Variants in SYT10 observed in about 807,000 individuals in gnomAD.
SYT10 encodes the protein synaptotagmin 10.
SYT10 carries 31 observed loss-of-function variants against 51.1 expected under a neutral mutation model. The observed-to-expected ratio is 0.61, with a 90% CI of 0.46 to 0.82. SYT10 has a LOEUF of 0.82. SYT10 is among the 40% of genes least tolerant of loss of function. SYT10 has a pLI of 0.00. For missense variants in SYT10, 603 were observed against 634.0 expected (o/e 0.95, Z 0.53); for synonymous variants, 233 against 225.9 (o/e 1.03, Z -0.28).
intron 3 of SYT10, among the ~76,000 whole-genome samples, chr12:33,400,053 G>A (rs1866289377): frequency 6.6e-6 from 1 of 152,172 alleles, no homozygotes; most frequent in Non-Finnish European, 1.5e-5. Flanking sequence ...TGGTAAGACA[G>A]ACAGCCCCTG....
intron 1 of SYT10, among the ~76,000 whole-genome samples, chr12:33,436,258 G>C (rs1318072720): frequency 1.3e-5 from 2 of 152,118 alleles, no homozygotes; most frequent in African/African-American, 4.8e-5. Context: ...GGTCCAATAT[G>C]TTGCTTTGTA....
intron 2 of SYT10, among the ~76,000 whole-genome samples, chr12:33,424,557 G>A (rs1168470371): frequency 1.3e-5 from 2 of 151,962 alleles, no homozygotes; most frequent in East Asian, 1.9e-4. Context: ...TTCCGGGATG[G>A]TAGTGATAAT....
intron 2 of SYT10, among the ~76,000 whole-genome samples, chr12:33,422,082 A>C (rs565199288): frequency 3.4e-5 from 5 of 148,068 alleles, no homozygotes; most frequent in African/African-American, 1.3e-4. Context: ...ATCAAAACTT[A>C]AAGTATTAAA....
intron 3 of SYT10, among the ~76,000 whole-genome samples, chr12:33,391,005 C>T (rs1375055580): frequency 6.6e-6 from 1 of 152,160 alleles, no homozygotes; most frequent in Non-Finnish European, 1.5e-5. Flanking sequence ...GGCAAGATCT[C>T]AGCTCACTGC....
At chr12:33,417,527 T>C (rs949141952) in intron 2 of SYT10, among the ~76,000 whole-genome samples, 1 of 152,236 alleles carries the variant, frequency 6.6e-6, no homozygotes, top group Non-Finnish European at 1.5e-5. Context: ...ATCCAGCTTC[T>C]GGTATTCTGC....
intron 1 of SYT10, among the ~76,000 whole-genome samples, chr12:33,429,429 A>G (rs1866579905): frequency 6.6e-6 from 1 of 152,234 alleles, no homozygotes; most frequent in Admixed American, 6.5e-5. Context: ...CTTGAATAGG[A>G]AAACATTAGA....
chr12:33,437,167 A>T (rs1004470224), intron 1 of SYT10, among the ~76,000 whole-genome samples: 19 of 152,246 alleles, frequency 1.2e-4, no homozygotes, highest in African/African-American at 4.3e-4. Context: ...TGAAAAACGT[A>T]TAGCAATCTT....
chr12:33,424,213 A>G (rs1866529799), intron 2 of SYT10, among the ~76,000 whole-genome samples: 1 of 152,166 alleles, frequency 6.6e-6, no homozygotes, highest in Admixed American at 6.5e-5. Flanking sequence ...AGCTAGCAAA[A>G]AGAAGTCTTT....
intron 3 of SYT10, among the ~76,000 whole-genome samples, chr12:33,387,898 A>G (rs1185390640): frequency 6.6e-6 from 1 of 152,064 alleles, no homozygotes; most frequent in Admixed American, 6.6e-5. Context: ...ATGTACCACC[A>G]AGCCTGGTTA....
At chr12:33,400,322 T>A (rs1437493975) in intron 3 of SYT10, among the ~76,000 whole-genome samples, 1 of 152,132 alleles carries the variant, frequency 6.6e-6, no homozygotes, top group Non-Finnish European at 1.5e-5. Context: ...TTAAAAAATT[T>A]TAGTAATGTG....
At position 33,385,185 on chromosome 12, in the gene SYT10, A is replaced by G. The variant is rs768095160; in HGVS notation, c.1184T>C (p.Ile395Thr). 1 of 1,613,684 alleles carries G rather than the reference A, an allele frequency of 6.2e-7. No homozygotes were observed. Among genetic ancestry groups the G allele is most frequent in the South Asian group, 1.1e-5 (1 of 91,076 alleles). Residue 395 changes from isoleucine (I) to threonine (T), a missense_variant, in exon 4 of 7, where the codon ATT (isoleucine) becomes ACT (threonine). Transcript: ENST00000228567. Reference sequence around the variant, plus strand: ...TGTGTACATACCTGATGAGCCAGTAATATCCATCGCCTTCAGATTTCTGCA... The same window carrying G: ...TGTGTACATACCTGATGAGCCAGTAGTATCCATCGCCTTCAGATTTCTGCA... Reference protein sequence around the residue: ...IKCRNLKAMDITGSSDPYVKV... With the variant: ...IKCRNLKAMDTTGSSDPYVKV...
chr12:33,439,581 C>T lies in SYT10; in HGVS notation c.-59G>A. The T allele has an allele frequency of 6.3e-7, 1 of 1,584,542 alleles. No individual in the cohort carries two copies. Among genetic ancestry groups the T allele is most frequent in the Non-Finnish European group, 8.6e-7 (1 of 1,164,058 alleles). On this transcript the variant is annotated 5_prime_UTR_variant, in exon 1 of 7. Coordinates refer to ENST00000228567, the MANE Select transcript of SYT10 (RefSeq NM_198992.4). ...CCAGTTAGCCGTCTTTTCCTCTTCC[C>T]GTACCTCTAACCCCTCTGGCGCCCT...
intron 3 of SYT10, among the ~76,000 whole-genome samples, chr12:33,404,289 C>G (rs7309981): frequency 0.61 from 93,242 of 152,032 alleles, 29,774 homozygotes; most frequent in East Asian, 0.89. Flanking sequence ...TCAGGAAAAT[C>G]CAAGAAAATG....
At chr12:33,434,405 G>A (rs1390928928) in intron 1 of SYT10, among the ~76,000 whole-genome samples, 1 of 152,146 alleles carries the variant, frequency 6.6e-6, no homozygotes, top group Non-Finnish European at 1.5e-5. Flanking sequence ...ATACAATTTA[G>A]TTGCAGAAGA....
chr12:33,405,917 C>T lies in SYT10; in HGVS notation c.1077+872G>A, dbSNP rs1281168301. The T allele has an allele frequency of 2.7e-5, 4 of 149,896 alleles. No homozygotes were observed. In the East Asian group the frequency reaches 7.9e-4, roughly 29 times the overall value. The allele number at this position is 149,896 out of a possible 1,614,324, so 9.3% of individuals were successfully genotyped here. A position where few individuals can be genotyped will look rare whatever the true frequency, so the allele number is the denominator to read the frequency against. On this transcript the variant is annotated intron_variant, in intron 3 of 6. Transcript: ENST00000228567. ...AATTTTTCATATAACAAAATTTATC[C>T]CTAACTTAAGTGTCTAACAGTAAGA...
At chr12:33,436,665 A>G (rs11052708) in intron 1 of SYT10, among the ~76,000 whole-genome samples, 7 of 152,206 alleles carry the variant, frequency 4.6e-5, no homozygotes, top group Non-Finnish European at 1.0e-4. Context: ...AACCCGTAAG[A>G]TAATATCTTA....
At chr12:33,404,832 G>A (rs942978077) in intron 3 of SYT10, 3 of 152,134 alleles carry the variant, frequency 2.0e-5, no homozygotes, top group African/African-American at 4.8e-5. Context: ...TAAATTTGTG[G>A]TAATTTTTAT....
chr12:33,403,058 T>C (rs1189326541), intron 3 of SYT10, among the ~76,000 whole-genome samples: 1 of 152,058 alleles, frequency 6.6e-6, no homozygotes, highest in East Asian at 1.9e-4. Context: ...TTTTCCCCAG[T>C]AAATTTTGGT....
At chr12:33,427,632 GTATTT>G (rs1255708491) in intron 1 of SYT10, among the ~76,000 whole-genome samples, 1 of 152,102 alleles carries the variant, frequency 6.6e-6, no homozygotes, top group East Asian at 1.9e-4. Flanking sequence ...CAAGCTTATT[GTATTT>G]TATTTATGTT....
Sources: gnomAD v4.1 joint callset for allele counts (sites outside exome capture counted in the v4.1 genomes callset) on GRCh38, gnomAD v4.1.1 for gene constraint, MANE v1.5 for transcripts, NCBI Gene and HGNC (gene_info 2026-07-23, HGNC 2026-07-21) for gene names.